The following STOX2 variants were observed in gnomAD, a reference collection of about 807,000 sequenced individuals.
The protein encoded by STOX2 is storkhead-box protein 2.
STOX2 carries 28 observed loss-of-function variants against 60.9 expected under a neutral mutation model. The observed-to-expected ratio is 0.46, with a 90% CI of 0.34 to 0.63. The LOEUF is 0.63. STOX2 is among the 30% of genes least tolerant of loss of function. The pLI is 0.01. For missense variants in STOX2, 1,024 were observed against 1,187.7 expected (o/e 0.86, Z 2.03); for synonymous variants, 472 against 463.9 (o/e 1.02, Z -0.22).
intron 1 of STOX2, among the ~76,000 whole-genome samples, chr4:183,994,206 C>A (rs190633898): frequency 6.6e-6 from 1 of 152,162 alleles, no homozygotes; most frequent in Non-Finnish European, 1.5e-5. Context: ...GTTGTGTTGT[C>A]CCCATGCCCA....
At chr4:183,843,104 C>T (rs1240665832) in intron 1 of STOX2, among the ~76,000 whole-genome samples, 4 of 145,716 alleles carry the variant, frequency 2.7e-5, no homozygotes, top group Non-Finnish European at 3.0e-5. Flanking sequence ...GCCAAGATCG[C>T]GCCACCGTAC....
intron 1 of STOX2, among the ~76,000 whole-genome samples, chr4:183,866,207 T>A (rs1422839209): frequency 6.6e-6 from 1 of 152,150 alleles, no homozygotes; most frequent in Non-Finnish European, 1.5e-5. Context: ...CCTCTGCCCC[T>A]TCTCTTATAT....
chr4:183,872,786 A>AT (rs540430201), intron 1 of STOX2, among the ~76,000 whole-genome samples: 5 of 149,672 alleles, frequency 3.3e-5, no homozygotes, highest in East Asian at 2.0e-4. Flanking sequence ...TCTGCTTATT[A>AT]TTTTTTTTTT....
chr4:183,918,363 T>C (rs1263057171), intron 1 of STOX2, among the ~76,000 whole-genome samples: 1 of 152,210 alleles, frequency 6.6e-6, no homozygotes, highest in African/African-American at 2.4e-5. Context: ...CCGTGGAATA[T>C]AACTCTAGGA....
chr4:183,925,172 A>G (rs1742205916), intron 1 of STOX2, among the ~76,000 whole-genome samples: 1 of 152,168 alleles, frequency 6.6e-6, no homozygotes, highest in Non-Finnish European at 1.5e-5. Context: ...GTTTGTTCCT[A>G]GTGAAACAGA....
chr4:183,871,391 A>AT (rs2111163360), intron 1 of STOX2, among the ~76,000 whole-genome samples: 2 of 152,370 alleles, frequency 1.3e-5, no homozygotes, highest in East Asian at 3.9e-4. Flanking sequence ...AAAAGCAGGT[A>AT]TCCTGATCTG....
chr4:183,982,151 A>C (rs1397214224), intron 1 of STOX2, among the ~76,000 whole-genome samples: 1 of 152,172 alleles, frequency 6.6e-6, no homozygotes, highest in Middle Eastern at 3.2e-3. Flanking sequence ...TATACGATTA[A>C]GTGATGATGT....
At chr4:183,959,578 T>G (rs1579470696) in intron 1 of STOX2, among the ~76,000 whole-genome samples, 1 of 152,346 alleles carries the variant, frequency 6.6e-6, no homozygotes, top group East Asian at 1.9e-4. Flanking sequence ...ACTTGCCATA[T>G]TGGCAGTTTT....
At chr4:183,881,708 G>A (rs1298477110) in intron 1 of STOX2, among the ~76,000 whole-genome samples, 5 of 152,144 alleles carry the variant, frequency 3.3e-5, no homozygotes, top group African/African-American at 1.2e-4. Flanking sequence ...CATGGAAAGA[G>A]TAATTTTTCT....
At chr4:183,842,759 A>G (rs1739892084) in intron 1 of STOX2, among the ~76,000 whole-genome samples, 1 of 151,914 alleles carries the variant, frequency 6.6e-6, no homozygotes, top group Non-Finnish European at 1.5e-5. Flanking sequence ...TCCTTTTCAT[A>G]TATGGCCTTT....
intron 1 of STOX2, among the ~76,000 whole-genome samples, chr4:183,952,277 A>G (rs1743119048): frequency 6.6e-6 from 1 of 152,220 alleles, no homozygotes; most frequent in Non-Finnish European, 1.5e-5. Flanking sequence ...CATTTCACAA[A>G]TTATCCAGGA....
At chr4:184,006,768 G>A (rs1420345409) in intron 2 of STOX2, among the ~76,000 whole-genome samples, 1 of 149,274 alleles carries the variant, frequency 6.7e-6, no homozygotes, top group Non-Finnish European at 1.5e-5. Context: ...AAAAACACCA[G>A]CACTTTGGGA....
intron 1 of STOX2, among the ~76,000 whole-genome samples, chr4:183,831,832 C>T (rs145868736): frequency 6.0e-4 from 92 of 152,206 alleles, no homozygotes; most frequent in East Asian, 5.8e-3. Context: ...GCTGTAAACA[C>T]GCCCTGGTCT....
chr4:183,859,985 A>G (rs1415002836), intron 1 of STOX2, among the ~76,000 whole-genome samples: 1 of 152,134 alleles, frequency 6.6e-6, no homozygotes, highest in Non-Finnish European at 1.5e-5. Context: ...GTGTGTGTGT[A>G]TGTATTTGTT....
At chr4:183,926,874 G>A (rs1182637150) in intron 1 of STOX2, among the ~76,000 whole-genome samples, 2 of 152,078 alleles carry the variant, frequency 1.3e-5, no homozygotes, top group African/African-American at 2.4e-5. Context: ...TGCCCGCCTC[G>A]GCCTCCCAAA....
At chr4:183,800,003 A>T (rs1738723759) in intron 1 of STOX2, among the ~76,000 whole-genome samples, 2 of 152,122 alleles carry the variant, frequency 1.3e-5, no homozygotes, top group South Asian at 2.1e-4. Context: ...CAAGCATCAG[A>T]TAAAAGAGCA....
intron 1 of STOX2, among the ~76,000 whole-genome samples, chr4:183,841,565 T>C (rs1459153270): frequency 1.3e-5 from 2 of 152,170 alleles, no homozygotes; most frequent in African/African-American, 2.4e-5. Flanking sequence ...TCTTCCTCCA[T>C]CTCTTGTGCT....
At chr4:183,867,155 G>T (rs62340396) in intron 1 of STOX2, among the ~76,000 whole-genome samples, 2,829 of 152,252 alleles carry the variant, frequency 0.019, 42 homozygotes, top group Non-Finnish European at 0.029. Context: ...GATCAAGGTG[G>T]TGACATGTTC....
chr4:183,970,009 G>T (rs1270298092), intron 1 of STOX2, among the ~76,000 whole-genome samples: 1 of 152,142 alleles, frequency 6.6e-6, no homozygotes, highest in Non-Finnish European at 1.5e-5. Context: ...AAAGTATAAA[G>T]GAGCTGATCC....
Sources: gnomAD v4.1 joint callset for allele counts (sites outside exome capture counted in the v4.1 genomes callset) on GRCh38, gnomAD v4.1.1 for gene constraint, MANE v1.5 for transcripts, NCBI Gene and HGNC (gene_info 2026-07-23, HGNC 2026-07-21) for gene names.